Variants in EHBP1L1 observed in about 807,000 individuals in gnomAD.
EHBP1L1 encodes EH domain binding protein 1 like 1, also known as EH domain-binding protein 1-like protein 1.
Under a neutral mutation model 151.1 loss-of-function variants are expected in EHBP1L1, and 122 were observed. The ratio of observed to expected loss-of-function variants is 0.81; its 90% CI spans 0.70 to 0.94. The LOEUF is 0.94. Ranked by LOEUF, EHBP1L1 falls within the 40% of genes least tolerant of loss-of-function variation. The pLI, the probability that EHBP1L1 is intolerant of heterozygous loss-of-function variation, is 0.00. For synonymous variants in EHBP1L1, 878 were observed against 810.1 expected, an observed-to-expected ratio of 1.08 and a Z score of -1.42; for missense variants, 1,941 against 1,959.8, an observed-to-expected ratio of 0.99 and a Z score of 0.18.
At chr11:65,580,551 A>C in intron 6 of EHBP1L1, 72 bp downstream of exon 6, 1 of 1,557,732 alleles carries the variant, frequency 6.4e-7, no homozygotes, top group African/African-American at 1.4e-5. Flanking sequence ...GCCACCAGCC[A>C]CTTGCTGTGC....
At position 65,582,299 on chromosome 11, in the gene EHBP1L1, G is replaced by A; in HGVS notation, c.1627G>A (p.Gly543Arg). The stretch of plus-strand genomic sequence containing the variant: ...CAGGCCCCAGGTGAGCAGCTGGCAG[G>A]GGGCCCTGTTATCAACTGCCCAGGG... ...STRPQVSSWQ[G>R]ALLSTAQGAI... The change falls in exon 9 of 19, where the codon GGG becomes AGG. Residue 543 changes from glycine to arginine, a missense_variant. By Grantham distance (125) the Gly-to-Arg change is moderately radical. Coordinates refer to ENST00000309295, the MANE Select transcript of EHBP1L1 (RefSeq NM_001099409.3). 6.5e-7 allele frequency: 1 copy of A among 1,531,708 alleles called. No individual in the cohort carries two copies. The highest frequency in any genetic ancestry group is 8.7e-7 in the Non-Finnish European group (1 of 1,144,664). 94.9% of individuals were successfully genotyped at this position (1,531,708 alleles called of 1,614,324 possible).
chr11:65,584,883 C>T lies in EHBP1L1; in HGVS notation c.3301-76C>T, dbSNP rs906681287. On this transcript the variant is annotated intron_variant, in intron 11 of 18. Transcript: ENST00000309295. ...GGGTGCCAATCCCGGGGACCCCCTC[C>T]GTGGGGCGGCACTGCAGCGTTGCCG... 3.3e-6 allele frequency: 5 copies of T among 1,494,346 alleles called. No individual in the cohort carries two copies. The African/African-American group carries it at 5.6e-5, about 17-fold the overall frequency. 92.6% of individuals were successfully genotyped at this position (1,494,346 alleles called of 1,614,324 possible).
chr11:65,579,382 C>T lies in EHBP1L1; in HGVS notation c.204C>T (p.Gly68=), dbSNP rs200668380. ...CGGGCATCCAGAACCCATACCGGGG[C>T]ACCGTGGTGTGGATGGTACCTGAGA... is the stretch of plus-strand genomic sequence containing the variant. The part of the protein sequence containing the change: ...WQPGIQNPYR[G]TVVWMVPENV... The change falls in exon 3 of 19, where the codon GGC becomes GGT. Residue 68 remains glycine (G), a synonymous_variant. Transcript: ENST00000309295. 1.2e-3 allele frequency: 1,819 copies of T among 1,577,940 alleles called. 7 individuals are homozygous for T. Among genetic ancestry groups the T allele is most frequent in the Middle Eastern group, 7.2e-3 (43 of 5,982 alleles).
In EHBP1L1 at chr11:65,581,819, A is replaced by G; in HGVS notation, c.1147A>G (p.Thr383Ala). The G allele has an allele frequency of 6.2e-7, 1 of 1,613,638 alleles. No homozygotes were observed. The highest frequency in any genetic ancestry group is 8.5e-7 in the Non-Finnish European group (1 of 1,179,796). ...RQRLKAEEMD[T>A]EDRPEASGVD... ...GAGACTCAAGGCTGAAGAGATGGACACTGAGGACAGGCCAGAGGCCAGTGG... is the reference window on the plus strand; with the variant it reads ...GAGACTCAAGGCTGAAGAGATGGACGCTGAGGACAGGCCAGAGGCCAGTGG... The change falls in exon 9 of 19, where the codon ACT becomes GCT. Residue 383 changes from threonine (T) to alanine (A), a missense_variant. Transcript: ENST00000309295.
intron 3 of EHBP1L1, 32 bp downstream of exon 3, chr11:65,579,468 A>G (rs913728060): frequency 1.1e-5 from 16 of 1,429,602 alleles, no homozygotes; most frequent in African/African-American, 7.2e-5. Flanking sequence ...ATGGATGGCA[A>G]TTGCAACACA....
In EHBP1L1 at chr11:65,581,763, A is replaced by T; in HGVS notation, c.1091A>T (p.Asp364Val). The T allele has an allele frequency of 6.2e-7, 1 of 1,611,468 alleles. No homozygotes were observed. Among genetic ancestry groups the T allele is most frequent in the Middle Eastern group, 1.6e-4 (1 of 6,062 alleles). The part of the protein sequence containing the change: ...HGARLGPSIE[D>V]KGSGDPFGRQ... ...GCTAGGCTGGGCCCGAGCATTGAGG[A>T]TAAAGGTTCTGGAGACCCTTTTGGA... The change falls in exon 9 of 19, where the codon GAT (aspartate) becomes GTT (valine). Residue 364 changes from aspartate (D) to valine (V), a missense_variant. By Grantham distance (152) the Asp-to-Val change is radical. Coordinates refer to ENST00000309295, the MANE Select transcript of EHBP1L1 (RefSeq NM_001099409.3).
At chr11:65,587,710 G>C (rs1565131216) in intron 12 of EHBP1L1, among the ~76,000 whole-genome samples, 1 of 152,178 alleles carries the variant, frequency 6.6e-6, no homozygotes, top group Non-Finnish European at 1.5e-5. Context: ...GACACAAACA[G>C]AGGCCCCAAG....
intron 11 of EHBP1L1, 133 bp from the exon 12 acceptor site, chr11:65,584,826 T>G (rs1857847689): frequency 8.0e-7 from 1 of 1,244,162 alleles, no homozygotes; most frequent in East Asian, 2.6e-5. Flanking sequence ...TTTCCCTCGC[T>G]AGGAGGGGGC....
At position 65,592,460 on chromosome 11, in the gene EHBP1L1, C is replaced by T. The variant is rs534558129; in HGVS notation, c.*158C>T. 1.8e-4 allele frequency: 67 copies of T among 377,282 alleles called. 2 individuals carry two copies. In the South Asian group the frequency reaches 4.5e-3, roughly 25 times the overall value. The allele number at this position is 377,282 out of a possible 1,614,324, so 23.4% of individuals were successfully genotyped here. ...CGTACAGGGCAGGGCGGATCCCCGA[C>T]CCCACGGGCGGGGCGGCCGCCGTAT... On this transcript the variant is annotated 3_prime_UTR_variant, in exon 19 of 19. Transcript: ENST00000309295.
In EHBP1L1 at chr11:65,581,881, A is replaced by G. The variant is rs370827866; in HGVS notation, c.1209A>G (p.Ala403=). ...AGCCAAGGTCAGGAGGCAGAGAGGC[A>G]AACACTAAGAGGTCAGGAGTCAGAG... ...DTEPRSGGRE[A]NTKRSGVRAG... Residue 403 remains alanine (A), a synonymous_variant, in exon 9 of 19, where the codon GCA becomes GCG. Coordinates refer to ENST00000309295, the MANE Select transcript of EHBP1L1 (RefSeq NM_001099409.3). 4.2e-5 allele frequency: 68 copies of G among 1,613,554 alleles called. No individual in the cohort carries two copies. Among genetic ancestry groups the G allele is most frequent in the Non-Finnish European group, 5.4e-5 (64 of 1,179,802 alleles).
chr11:65,584,359 C>G lies in EHBP1L1; in HGVS notation c.3212C>G (p.Ala1071Gly). 1 of 1,609,710 alleles carries G rather than the reference C, an allele frequency of 6.2e-7. No homozygotes were observed. The highest frequency in any genetic ancestry group is 8.5e-7 in the Non-Finnish European group (1 of 1,177,328). ...ACCACATCCTGGCGCAACGGCTTGGCCTTCTGTGCCATCCTGCACCGATTC... is the reference window on the plus strand; with the variant it reads ...ACCACATCCTGGCGCAACGGCTTGGGCTTCTGTGCCATCCTGCACCGATTC... Reference protein sequence around the residue: ...NFTTSWRNGLAFCAILHRFYP... With the variant: ...NFTTSWRNGLGFCAILHRFYP... Residue 1071 changes from alanine (A) to glycine (G), a missense_variant, in exon 10 of 19, where the codon GCC (alanine) becomes GGC (glycine). Physicochemically the swap from Ala to Gly is moderately conservative, Grantham distance 60. Coordinates refer to ENST00000309295, the MANE Select transcript of EHBP1L1 (RefSeq NM_001099409.3).
At chr11:65,577,215 G>A (rs745326113) in intron 1 of EHBP1L1, among the ~76,000 whole-genome samples, 2 of 152,064 alleles carry the variant, frequency 1.3e-5, no homozygotes, top group African/African-American at 2.4e-5. Flanking sequence ...GCTGGATTAG[G>A]GCACAGCTGT....
Position 65,579,073 on chromosome 11 carries a change from C to T in EHBP1L1, c.105-5C>T, listed in dbSNP as rs747662328. On this transcript the variant is annotated splice_polypyrimidine_tract_variant and splice_region_variant and intron_variant, in intron 1 of 18. Transcript: ENST00000309295. ...CCTTTCTCCCTCCCCTTCCCCCTCCCCCAGGCAGCCAGATAAGCTGGTGGT... is the reference window on the plus strand; with the variant it reads ...CCTTTCTCCCTCCCCTTCCCCCTCCTCCAGGCAGCCAGATAAGCTGGTGGT... 7 of 1,581,262 alleles carry T rather than the reference C, an allele frequency of 4.4e-6. No individual in the cohort carries two copies. The highest frequency in any genetic ancestry group is 1.8e-5 in the Admixed American group (1 of 55,942).
At chr11:65,591,715 G>T in intron 16 of EHBP1L1, 85 bp from the exon 17 acceptor site, 2 of 1,129,552 alleles carry the variant, frequency 1.8e-6, no homozygotes, top group Non-Finnish European at 2.6e-6. Flanking sequence ...GGGTCAGGGA[G>T]TGGCCAGAGC....
At chr11:65,577,248 G>T (rs1857377613) in intron 1 of EHBP1L1, among the ~76,000 whole-genome samples, 1 of 151,982 alleles carries the variant, frequency 6.6e-6, no homozygotes, top group Non-Finnish European at 1.5e-5. Flanking sequence ...CGCCAGGCGG[G>T]GCTAAATTTA....
Position 65,581,720 on chromosome 11 carries a change from G to A in EHBP1L1, c.1048G>A (p.Gly350Arg). The change falls in exon 9 of 19, where the codon GGG becomes AGG. Residue 350 changes from glycine to arginine, a missense_variant. Gly to Arg is a moderately radical substitution (Grantham distance 125, BLOSUM62 -2). Coordinates refer to ENST00000309295, the MANE Select transcript of EHBP1L1 (RefSeq NM_001099409.3). ...ETQAQACPQE[G>R]TEAHGARLGP... The stretch of plus-strand genomic sequence containing the variant: ...CCAGGCCCAGGCATGCCCTCAGGAA[G>A]GGACAGAAGCCCATGGAGCTAGGCT... 1.3e-6 allele frequency: 2 copies of A among 1,592,922 alleles called. No individual in the cohort carries two copies. The highest frequency in any genetic ancestry group is 1.7e-6 in the Non-Finnish European group (2 of 1,170,048).
At position 65,585,337 on chromosome 11, in the gene EHBP1L1, C is replaced by A; in HGVS notation, c.3679C>A (p.Arg1227=). 1 of 1,112,722 alleles carries A rather than the reference C, an allele frequency of 9.0e-7. No individual in the cohort carries two copies. The highest frequency in any genetic ancestry group is 1.1e-6 in the Non-Finnish European group (1 of 911,750). 68.9% of individuals were successfully genotyped at this position (1,112,722 alleles called of 1,614,324 possible). ...CAAGGACGGCGGGGCCGAGGCCCCC[C>A]GAGAGTCGCGACCCGCGGAGGTCCC... ...ASKDGGAEAP[R]ESRPAEVPAE... is the part of the protein sequence containing the mutation. Residue 1227 remains arginine, a synonymous_variant, in exon 12 of 19, where the codon CGA becomes AGA. Transcript: ENST00000309295. The surrounding 1 kb of genome is among the most constrained non-coding windows in gnomAD (Gnocchi z 4.0).
At chr11:65,588,266 C>T (rs550401880) in intron 12 of EHBP1L1, among the ~76,000 whole-genome samples, 1 of 152,230 alleles carries the variant, frequency 6.6e-6, no homozygotes, top group Admixed American at 6.5e-5. Flanking sequence ...AAGCTGACTC[C>T]AGGCTGAGAA....
In EHBP1L1 at chr11:65,583,739, G is replaced by A. The variant is rs1565126416; in HGVS notation, c.3067G>A (p.Glu1023Lys). 1 of 1,507,660 alleles carries A rather than the reference G, an allele frequency of 6.6e-7. No homozygotes were observed. Among genetic ancestry groups the A allele is most frequent in the East Asian group, 2.4e-5 (1 of 41,120 alleles). 93.4% of individuals were successfully genotyped at this position (1,507,660 alleles called of 1,614,324 possible). The change falls in exon 9 of 19, where the codon GAG becomes AAG. Residue 1023 changes from glutamate to lysine, a missense_variant. Transcript: ENST00000309295. Reference protein sequence around the residue: ...PRASSPEKAEEDRRLPGSQAP... With the variant: ...PRASSPEKAEKDRRLPGSQAP... ...GGCCTCTTCCCCAGAGAAGGCTGAA[G>A]AGGACAGGAGGCTGCCGGGCAGCCA...
Sources: gnomAD v4.1 joint callset for allele counts (sites outside exome capture counted in the v4.1 genomes callset) on GRCh38, gnomAD v4.1.1 for gene constraint, Gnocchi (gnomAD v3.1) non-coding constraint, MANE v1.5 for transcripts, NCBI Gene and HGNC (gene_info 2026-07-23, HGNC 2026-07-21) for gene names.